RFTN1: variants seen among roughly 807,000 people sequenced by gnomAD.
The protein encoded by RFTN1 is raftlin, lipid raft linker 1, also known as raftlin.
In RFTN1, 26 loss-of-function variants were observed where a neutral mutation model predicts 46.5. The ratio of observed to expected loss-of-function variants is 0.56; its 90% confidence interval spans 0.41 to 0.78. The LOEUF (loss-of-function observed/expected upper bound fraction) is 0.78. RFTN1 is among the 30% of genes least tolerant of loss of function. The pLI, the probability that RFTN1 is intolerant of heterozygous loss-of-function variation, is 0.00. For missense variants in RFTN1, 693 were observed against 718.7 expected (o/e 0.96, Z 0.41); for synonymous variants, 261 against 284.2 (o/e 0.92, Z 0.82).
Position 16,433,870 on chromosome 3 carries a change from G to C in RFTN1, c.313C>G (p.Leu105Val). 6.2e-7 allele frequency: 1 copy of C among 1,614,144 alleles called. No individual in the cohort carries two copies. The highest frequency in any genetic ancestry group is 8.5e-7 in the Non-Finnish European group (1 of 1,180,026). ...TPLEHIFRAI[L>V]IKKTDRSQKT... Reference sequence around the variant, plus strand: ...CCTTACCTGTCGGTTTTCTTGATCAGGATGGCTCTAAAGATGTGCTCCAGG... The same window carrying C: ...CCTTACCTGTCGGTTTTCTTGATCACGATGGCTCTAAAGATGTGCTCCAGG... The change falls in exon 3 of 10, where the codon CTG (leucine) becomes GTG (valine). Residue 105 changes from leucine (L) to valine (V), a missense_variant. Transcript: ENST00000334133. This position sits in a 1 kb window ranked among gnomAD's most constrained non-coding sequence, Gnocchi z 4.4.
chr3:16,438,840 G>T (rs552011478), intron 2 of RFTN1, among the ~76,000 whole-genome samples: 1 of 152,108 alleles, frequency 6.6e-6, no homozygotes, highest in Middle Eastern at 3.4e-3. Flanking sequence ...TGGTCACCCC[G>T]GGATGGTGAT....
rs2074325954 is a variant in RFTN1, at chr3:16,390,806, T to C, written c.442-12704A>G. On this transcript the variant is annotated intron_variant, in intron 4 of 9. Coordinates refer to ENST00000334133, the MANE Select transcript of RFTN1 (RefSeq NM_015150.2). ...AGTCAGAGTAGACACTGCATCTCATTCAAACTGGGAAGTCATTGGAAACAA... is the reference window on the plus strand; with the variant it reads ...AGTCAGAGTAGACACTGCATCTCATCCAAACTGGGAAGTCATTGGAAACAA... Among the ~76,000 whole-genome samples, 3 of 152,198 alleles carry C rather than the reference T, an allele frequency of 2.0e-5. No individual in the cohort carries two copies. In the South Asian group the frequency reaches 6.2e-4, roughly 32 times the overall value.
At position 16,432,423 on chromosome 3, in the gene RFTN1, T is replaced by G. The variant is rs1157362038; in HGVS notation, c.332+1428A>C. Reference sequence around the variant, plus strand: ...GTCCCAGTTACCTGGGAGGCTGAGGTGGGAGGATGGCTTAAGCCTGAGAGG... The same window carrying G: ...GTCCCAGTTACCTGGGAGGCTGAGGGGGGAGGATGGCTTAAGCCTGAGAGG... On this transcript the variant is annotated intron_variant, in intron 3 of 9. Coordinates refer to ENST00000334133, the MANE Select transcript of RFTN1 (RefSeq NM_015150.2). Among the ~76,000 whole-genome samples, 3 of 151,892 alleles carry G rather than the reference T, an allele frequency of 2.0e-5. No individual in the cohort carries two copies. The East Asian group carries it at 5.8e-4, about 29-fold the overall frequency.
Position 16,398,244 on chromosome 3 carries a change from C to CAAAAAAAAAAAAAAA in RFTN1, c.441+11116_441+11130dup, listed in dbSNP as rs202032095. Among the ~76,000 whole-genome samples, 92 of 110,906 alleles carry CAAAAAAAAAAAAAAA rather than the reference C, an allele frequency of 8.3e-4. 1 individual carries two copies. The highest frequency in any genetic ancestry group is 1.0e-3 in the African/African-American group (37 of 35,260). 72.8% of individuals were successfully genotyped at this position (110,906 alleles called of 152,430 possible). ...CCTGGGTGACAGAGAAAGACTGTCT[C>CAAAAAAAAAAAAAAA]AAAAAAAAAAAAAAAAAAAAAAAAA... On this transcript the variant is annotated intron_variant, in intron 4 of 9. Coordinates refer to ENST00000334133, the MANE Select transcript of RFTN1 (RefSeq NM_015150.2).
chr3:16,374,570 C>T lies in RFTN1; in HGVS notation c.826+3148G>A, dbSNP rs536872793. Among the ~76,000 whole-genome samples, 2 of 152,282 alleles carry T rather than the reference C, an allele frequency of 1.3e-5. No individual in the cohort carries two copies. Among genetic ancestry groups the T allele is most frequent in the East Asian group, 3.9e-4 (2 of 5,186 alleles). ...CCAGAAACATGATTGGCATCACACG[C>T]TTGGGTTTCTGGCTGACATTTCTAA... On this transcript the variant is annotated intron_variant, in intron 5 of 9. Coordinates refer to ENST00000334133, the MANE Select transcript of RFTN1 (RefSeq NM_015150.2). This position sits in a 1 kb window ranked among gnomAD's most constrained non-coding sequence, Gnocchi z 5.4.
chr3:16,387,541 G>A lies in RFTN1; in HGVS notation c.442-9439C>T, dbSNP rs2074220319. Among the ~76,000 whole-genome samples the A allele has an allele frequency of 7.5e-6, 1 of 132,684 alleles. No individual in the cohort carries two copies. The highest frequency in any genetic ancestry group is 3.1e-5 in the African/African-American group (1 of 32,576). The allele number at this position is 132,684 out of a possible 152,430, so 87.0% of individuals were successfully genotyped here. On this transcript the variant is annotated intron_variant, in intron 4 of 9. Transcript: ENST00000334133. This position sits in a 1 kb window ranked among gnomAD's most constrained non-coding sequence, Gnocchi z 5.2. ...ACCCTGGAAGACCCAGCTCTACTTAGGACCACTTCTCTCTTCTATATCCTC... is the reference window on the plus strand; with the variant it reads ...ACCCTGGAAGACCCAGCTCTACTTAAGACCACTTCTCTCTTCTATATCCTC...
rs559423962 is a variant in RFTN1 at position 16,479,142 on chromosome 3, C to T, written c.145+14583G>A. Among the ~76,000 whole-genome samples, 37 of 152,240 alleles carry T rather than the reference C, an allele frequency of 2.4e-4. No individual in the cohort carries two copies. Among genetic ancestry groups the T allele is most frequent in the Admixed American group, 2.3e-3 (35 of 15,302 alleles). ...TTCATTAGGTAACTTGGCTCCCAAA[C>T]CCAAGCACTGTATAGTACTCTAACA... On this transcript the variant is annotated intron_variant, in intron 2 of 9. Transcript: ENST00000334133. The surrounding 1 kb of genome is among the most constrained non-coding windows in gnomAD (Gnocchi z 5.1).
rs1331312826 is a variant in RFTN1, at chr3:16,361,309, T to G, written c.1031-3262A>C. ...CATTATGACACCTACTGGGAATCTA[T>G]TATGTGCCAAGTAGTCCTGTAGTCA... On this transcript the variant is annotated intron_variant, in intron 6 of 9. Transcript: ENST00000334133. The surrounding 1 kb of genome is among the most constrained non-coding windows in gnomAD (Gnocchi z 4.3). 3.3e-5 allele frequency among the ~76,000 whole-genome samples: 5 copies of G among 152,142 alleles called. No homozygotes were observed. The highest frequency in any genetic ancestry group is 4.8e-5 in the African/African-American group (2 of 41,424).
At chr3:16,364,472 A>G (rs1413688025) in intron 6 of RFTN1, among the ~76,000 whole-genome samples, 1 of 152,142 alleles carries the variant, frequency 6.6e-6, no homozygotes, top group African/African-American at 2.4e-5. Flanking sequence ...TGTTTGAGGC[A>G]CCGGGGGTAG....
Position 16,428,090 on chromosome 3 carries a change from T to A in RFTN1, c.332+5761A>T, listed in dbSNP as rs1232359959. On this transcript the variant is annotated intron_variant, in intron 3 of 9. Coordinates refer to ENST00000334133, the MANE Select transcript of RFTN1 (RefSeq NM_015150.2). The surrounding 1 kb of genome is among the most constrained non-coding windows in gnomAD (Gnocchi z 4.7). ...GGAGCTCCTTAGAGTCATCTTTGCATAGTGAAATTACATATACATATTTAC... is the reference window on the plus strand; with the variant it reads ...GGAGCTCCTTAGAGTCATCTTTGCAAAGTGAAATTACATATACATATTTAC... Among the ~76,000 whole-genome samples the A allele has an allele frequency of 6.6e-6, 1 of 152,190 alleles. No homozygotes were observed. Among genetic ancestry groups the A allele is most frequent in the Non-Finnish European group, 1.5e-5 (1 of 68,024 alleles).
intron 3 of RFTN1, among the ~76,000 whole-genome samples, chr3:16,409,706 A>T: frequency 1.2e-5 from 1 of 83,944 alleles, no homozygotes; most frequent in African/African-American, 4.9e-5. Context: ...TTTTTTTGAG[A>T]CGGAGTCTTG....
At chr3:16,364,211 T>C (rs2073008586) in intron 6 of RFTN1, among the ~76,000 whole-genome samples, 1 of 152,250 alleles carries the variant, frequency 6.6e-6, no homozygotes, top group South Asian at 2.1e-4. Flanking sequence ...GGAAGAAACA[T>C]TCTGATTCAG....
intron 3 of RFTN1, among the ~76,000 whole-genome samples, chr3:16,431,825 C>T (rs780629793): frequency 1.4e-4 from 22 of 152,142 alleles, no homozygotes; most frequent in African/African-American, 2.2e-4. Flanking sequence ...TCAAAGATAT[C>T]CTCCCCCACT....
intron 6 of RFTN1, among the ~76,000 whole-genome samples, chr3:16,363,228 C>G (rs996934203): frequency 6.6e-6 from 1 of 151,886 alleles, no homozygotes; most frequent in Non-Finnish European, 1.5e-5. Context: ...TCCTTGTCTC[C>G]TCATTACCTT....
In RFTN1 at chr3:16,380,735, G is replaced by C. The variant is rs574134832; in HGVS notation, c.442-2633C>G. 1.5e-4 allele frequency among the ~76,000 whole-genome samples: 23 copies of C among 152,330 alleles called. No individual in the cohort carries two copies. In the South Asian group the frequency reaches 4.8e-3, roughly 32 times the overall value. On this transcript the variant is annotated intron_variant, in intron 4 of 9. Transcript: ENST00000334133. The surrounding 1 kb of genome is among the most constrained non-coding windows in gnomAD (Gnocchi z 4.8). ...CCTCCGAGTGATTCCAATGCAGCCT[G>C]ATGTTTGAGAATCACTGCTCTAGAA...
chr3:16,427,676 T>C lies in RFTN1; in HGVS notation c.332+6175A>G, dbSNP rs1179284999. ...TAAGAATCACTGGAGGAATCTGTTC[T>C]AGAACAAGGACTGCAGTAGCCTTGG... On this transcript the variant is annotated intron_variant, in intron 3 of 9. Transcript: ENST00000334133. This position sits in a 1 kb window ranked among gnomAD's most constrained non-coding sequence, Gnocchi z 5.4. Among the ~76,000 whole-genome samples, 1 of 152,212 alleles carries C rather than the reference T, an allele frequency of 6.6e-6. No individual in the cohort carries two copies. Among genetic ancestry groups the C allele is most frequent in the African/African-American group, 2.4e-5 (1 of 41,462 alleles).
At position 16,449,547 on chromosome 3, in the gene RFTN1, CATT is replaced by C. The variant is rs1411291534; in HGVS notation, c.146-15513_146-15511del. ...CTCCATACACGGGAGCTGCTAAAAT[CATT>C]GTTGTTATCACCATTATGCATAACC... On this transcript the variant is annotated intron_variant, in intron 2 of 9. Transcript: ENST00000334133. This position sits in a 1 kb window ranked among gnomAD's most constrained non-coding sequence, Gnocchi z 5.1. Among the ~76,000 whole-genome samples the C allele has an allele frequency of 2.0e-5, 3 of 152,366 alleles. No individual in the cohort carries two copies. Among genetic ancestry groups the C allele is most frequent in the East Asian group, 1.9e-4 (1 of 5,190 alleles).
Position 16,440,691 on chromosome 3 carries a change from G to T in RFTN1, c.146-6654C>A, listed in dbSNP as rs1021188824. On this transcript the variant is annotated intron_variant, in intron 2 of 9. Transcript: ENST00000334133. The surrounding 1 kb of genome is among the most constrained non-coding windows in gnomAD (Gnocchi z 4.6). Reference sequence around the variant, plus strand: ...GGACAAGATGGTTACTGCTAATGGGGGGGGGGCCCAATGGTGCCAGAACTT... The same window carrying T: ...GGACAAGATGGTTACTGCTAATGGGTGGGGGGCCCAATGGTGCCAGAACTT... Among the ~76,000 whole-genome samples, 4 of 150,342 alleles carry T rather than the reference G, an allele frequency of 2.7e-5. No homozygotes were observed. Among genetic ancestry groups the T allele is most frequent in the Non-Finnish European group, 5.9e-5 (4 of 68,004 alleles).
At chr3:16,379,974 A>G (rs1295184206) in intron 4 of RFTN1, among the ~76,000 whole-genome samples, 2 of 152,224 alleles carry the variant, frequency 1.3e-5, no homozygotes, top group Admixed American at 6.5e-5. Context: ...ACAGCCCTCA[A>G]ATGAAATGAG....
Sources: gnomAD v4.1 joint callset for allele counts (sites outside exome capture counted in the v4.1 genomes callset) on GRCh38, gnomAD v4.1.1 for gene constraint, Gnocchi (gnomAD v3.1) non-coding constraint, MANE v1.5 for transcripts, NCBI Gene and HGNC (gene_info 2026-07-23, HGNC 2026-07-21) for gene names.